The following LRRK2 variants were observed in gnomAD, a reference collection of about 807,000 sequenced individuals.
LRRK2 encodes the protein leucine-rich repeat serine/threonine-protein kinase 2.
A neutral mutation model predicts 302.6 loss-of-function variants in LRRK2; 203 were observed. The observed-to-expected ratio is 0.67, with a 90% CI of 0.60 to 0.75. LRRK2 has a LOEUF of 0.75. LRRK2 is among the 30% of genes least tolerant of loss of function. The probability of loss-of-function intolerance (pLI) is 0.00; values close to 1 mark genes in which losing one functional copy is unlikely to be tolerated. For missense variants in LRRK2, 2,830 were observed against 2,951.0 expected, an observed-to-expected ratio of 0.96 and a Z score of 0.95; for synonymous variants, 1,066 against 1,031.9, an observed-to-expected ratio of 1.03 and a Z score of -0.63.
intron 39 of LRRK2, among the ~76,000 whole-genome samples, chr12:40,331,799 C>A (rs979642548): frequency 5.9e-5 from 9 of 152,070 alleles, no homozygotes; most frequent in African/African-American, 2.2e-4. Context: ...CACTTTTCAT[C>A]CATAAAAAAA....
intron 20 of LRRK2, among the ~76,000 whole-genome samples, chr12:40,289,651 T>A (rs1252461300): frequency 1.3e-5 from 2 of 151,220 alleles, no homozygotes; most frequent in African/African-American, 4.8e-5. Flanking sequence ...ATTAGTCTTT[T>A]AAAATTTCTA....
At chr12:40,317,384 C>T (rs1945257785) in intron 33 of LRRK2, among the ~76,000 whole-genome samples, 2 of 151,814 alleles carry the variant, frequency 1.3e-5, no homozygotes, top group Admixed American at 6.6e-5. Context: ...CAAGTGAAAC[C>T]AAGAGCAACT....
chr12:40,242,708 A>G (rs1941785567), intron 6 of LRRK2, among the ~76,000 whole-genome samples: 1 of 149,188 alleles, frequency 6.7e-6, no homozygotes, highest in African/African-American at 2.5e-5. Context: ...TCATTCTCCA[A>G]TGGGGTTGAG....
intron 3 of LRRK2, among the ~76,000 whole-genome samples, chr12:40,234,429 C>T (rs577488228): frequency 5.9e-5 from 7 of 117,824 alleles, no homozygotes; most frequent in African/African-American, 1.7e-4. Flanking sequence ...GCCAGGCTGG[C>T]GTGCAGTGGC....
At chr12:40,321,003 C>T in intron 34 of LRRK2, 31 bp from the exon 35 acceptor site, 1 of 1,611,180 alleles carries the variant, frequency 6.2e-7, no homozygotes, top group South Asian at 1.1e-5. Flanking sequence ...TTTTGTGAGG[C>T]TGTATAACCA....
At position 40,322,042 on chromosome 12, in the gene LRRK2, A is replaced by G. The variant is rs200185983; in HGVS notation, c.5178A>G (p.Ala1726=). Reference sequence around the variant, plus strand: ...AATGGCTCCATTTTTTAGAACGAGCACTTCGCCCAAACAGAATGTATTGGC... The same window carrying G: ...AATGGCTCCATTTTTTAGAACGAGCGCTTCGCCCAAACAGAATGTATTGGC... ...SPYMLSGRER[A]LRPNRMYWRQ... is the part of the protein sequence containing the mutation. Residue 1726 remains alanine, a synonymous_variant, in exon 36 of 51, where the codon GCA becomes GCG. Transcript: ENST00000298910. 3.7e-5 allele frequency: 59 copies of G among 1,613,182 alleles called. No homozygotes were observed. The highest frequency in any genetic ancestry group is 1.6e-4 in the Middle Eastern group (1 of 6,082).
chr12:40,305,596 A>G (rs751634243), intron 27 of LRRK2, among the ~76,000 whole-genome samples, 189 bp from the exon 28 acceptor site: 1 of 152,130 alleles, frequency 6.6e-6, no homozygotes, highest in Non-Finnish European at 1.5e-5. Context: ...TTTTATATGT[A>G]AGTTTTTATG....
chr12:40,339,125 G>A (rs1006274750), intron 40 of LRRK2, among the ~76,000 whole-genome samples: 3 of 152,160 alleles, frequency 2.0e-5, no homozygotes, highest in East Asian at 1.9e-4. Context: ...TCAGGGTATC[G>A]TTGCTGCTCT....
At chr12:40,229,664 T>C (rs1941074731) in intron 2 of LRRK2, among the ~76,000 whole-genome samples, 1 of 152,230 alleles carries the variant, frequency 6.6e-6, no homozygotes. Flanking sequence ...AGAATAATTA[T>C]AATAAAGTAA....
At chr12:40,234,369 CTTTTTTT>C (rs35906443) in intron 3 of LRRK2, among the ~76,000 whole-genome samples, 9 of 43,042 alleles carry the variant, frequency 2.1e-4, no homozygotes, top group Admixed American at 8.8e-4. Context: ...GCTAAATTCA[CTTTTTTT>C]TTTTTTTTTT....
chr12:40,235,223 G>C (rs532101734), intron 3 of LRRK2, among the ~76,000 whole-genome samples: 1 of 152,166 alleles, frequency 6.6e-6, no homozygotes, highest in African/African-American at 2.4e-5. Flanking sequence ...TATAATCCCA[G>C]ACTTTGGGAG....
intron 41 of LRRK2, among the ~76,000 whole-genome samples, chr12:40,341,837 G>T (rs1946053458): frequency 6.6e-6 from 1 of 152,152 alleles, no homozygotes; most frequent in African/African-American, 2.4e-5. Context: ...ACATGAAGAA[G>T]CTTATTTAAT....
chr12:40,301,534 G>A (rs1283229563), intron 25 of LRRK2, among the ~76,000 whole-genome samples: 4 of 152,170 alleles, frequency 2.6e-5, no homozygotes, highest in Admixed American at 2.6e-4. Context: ...GTCTTAAGTG[G>A]AGAATCATTT....
chr12:40,310,249 C>T lies in LRRK2; in HGVS notation c.4318-182C>T, dbSNP rs75483851. 0.013 allele frequency among the ~76,000 whole-genome samples: 1,934 copies of T among 151,800 alleles called. 54 individuals carry two copies. The highest frequency in any genetic ancestry group is 0.042 in the African/African-American group (1,726 of 41,400). The stretch of plus-strand genomic sequence containing the variant: ...GGCCAAAAATGACTTTTTAAAATGT[C>T]GTAAGGTTACATTTTTTTCTTAGGT... On this transcript the variant is annotated intron_variant, in intron 30 of 50. Coordinates refer to ENST00000298910, the MANE Select transcript of LRRK2 (RefSeq NM_198578.4).
chr12:40,225,479 C>G (rs1940822350), intron 1 of LRRK2, 76 bp from the exon 2 acceptor site: 1 of 1,388,420 alleles, frequency 7.2e-7, no homozygotes. Context: ...ACTTTTCTCC[C>G]CGTTTCAGAC....
intron 39 of LRRK2, among the ~76,000 whole-genome samples, chr12:40,330,305 A>G (rs570213274): frequency 1.3e-5 from 2 of 152,244 alleles, no homozygotes; most frequent in South Asian, 4.1e-4. Context: ...TTTTTTAGGA[A>G]TCTAGGCTTG....
intron 20 of LRRK2, among the ~76,000 whole-genome samples, chr12:40,290,137 T>C (rs987075328): frequency 6.6e-6 from 1 of 152,006 alleles, no homozygotes; most frequent in Non-Finnish European, 1.5e-5. Context: ...TTTTTTATCA[T>C]TAATAGGTGT....
At chr12:40,264,173 G>A (rs1342824642) in intron 14 of LRRK2, among the ~76,000 whole-genome samples, 1 of 152,246 alleles carries the variant, frequency 6.6e-6, no homozygotes. Context: ...TGCTCAACCA[G>A]AAAGAGAACC....
Position 40,242,804 on chromosome 12 carries a change from CAA to C in LRRK2, c.707-734_707-733del, listed in dbSNP as rs35987733. 1.5e-4 allele frequency among the ~76,000 whole-genome samples: 3 copies of C among 20,022 alleles called. 1 individual carries two copies. The highest frequency in any genetic ancestry group is 4.4e-4 in the African/African-American group (3 of 6,786). The allele number at this position is 20,022 out of a possible 152,430, so 13.1% of individuals were successfully genotyped here. On this transcript the variant is annotated intron_variant, in intron 6 of 50. Transcript: ENST00000298910. ...TAAAAGTGTTCCTATTTCTCCACAT[CAA>C]AAAAAAAAAAAGGTAAGCAATATAA...
Sources: gnomAD v4.1 joint callset for allele counts (sites outside exome capture counted in the v4.1 genomes callset) on GRCh38, gnomAD v4.1.1 for gene constraint, MANE v1.5 for transcripts, NCBI Gene and HGNC (gene_info 2026-07-23, HGNC 2026-07-21) for gene names.